Variants in AUTS2 observed in about 807,000 individuals in gnomAD.
AUTS2 encodes activator of transcription and developmental regulator AUTS2, also known as autism susceptibility gene 2 protein.
AUTS2 carries 17 observed loss-of-function variants against 112.4 expected under a neutral mutation model. That is an observed-to-expected ratio of 0.15 (90% CI 0.10 to 0.23). The LOEUF (loss-of-function observed/expected upper bound fraction) is 0.23, where lower values mean the gene tolerates loss of function less well. Among genes scored for constraint, AUTS2 ranks in the 10% least tolerant of loss-of-function variants. AUTS2 has a pLI of 1.00. For synonymous variants in AUTS2, 751 were observed against 702.7 expected (o/e 1.07, Z -1.09); for missense variants, 1,510 against 1,701.6 (o/e 0.89, Z 1.98).
intron 4 of AUTS2, among the ~76,000 whole-genome samples, chr7:70,153,354 A>G (rs1807550079): frequency 6.6e-6 from 1 of 152,222 alleles, no homozygotes; most frequent in Admixed American, 6.5e-5. Context: ...AATTTATATA[A>G]AATGCTAGAA....
At chr7:70,597,833 A>G (rs1405332265) in intron 5 of AUTS2, among the ~76,000 whole-genome samples, 1 of 152,208 alleles carries the variant, frequency 6.6e-6, no homozygotes, top group African/African-American at 2.4e-5. Context: ...TCAAGTAACA[A>G]TATTTATGCC....
intron 5 of AUTS2, among the ~76,000 whole-genome samples, chr7:70,659,206 C>A (rs771035741): frequency 6.6e-6 from 1 of 152,198 alleles, no homozygotes; most frequent in Non-Finnish European, 1.5e-5. Flanking sequence ...CGGCACCTGA[C>A]CTCTGAATTC....
intron 5 of AUTS2, among the ~76,000 whole-genome samples, chr7:70,595,365 G>T (rs1244975238): frequency 6.6e-6 from 1 of 152,118 alleles, no homozygotes; most frequent in Non-Finnish European, 1.5e-5. Context: ...AGGGGCGGGG[G>T]AGTTTCTGAA....
intron 5 of AUTS2, among the ~76,000 whole-genome samples, chr7:70,480,251 G>A (rs568460557): frequency 6.6e-6 from 1 of 152,366 alleles, no homozygotes; most frequent in Admixed American, 6.5e-5. Flanking sequence ...CTTTGAGCCA[G>A]GAGTGTGAGC....
intron 1 of AUTS2, among the ~76,000 whole-genome samples, chr7:69,760,003 GAT>G (rs1788110089): frequency 6.6e-6 from 1 of 151,500 alleles, no homozygotes; most frequent in Non-Finnish European, 1.5e-5. Context: ...AGTTTATTTA[GAT>G]AGTAAACTGA....
rs1301890488 is a variant in AUTS2 at position 69,978,902 on chromosome 7, GCA to G, written c.522+79410_522+79411del. Among the ~76,000 whole-genome samples, 23 of 75,370 alleles carry G rather than the reference GCA, an allele frequency of 3.1e-4. No individual in the cohort carries two copies. The South Asian group carries it at 0.01, about 34-fold the overall frequency. 49.4% of individuals were successfully genotyped at this position (75,370 alleles called of 152,430 possible). A position where few individuals can be genotyped will look rare whatever the true frequency, so the allele number is the denominator to read the frequency against. ...CACACACACACACACACACACACAC[GCA>G]CACACGCACACACACACGCACACAC... On this transcript the variant is annotated intron_variant, in intron 2 of 18. Transcript: ENST00000342771.
rs575436640 is a variant in AUTS2, at chr7:70,237,857, C to T, written c.660+103286C>T. On this transcript the variant is annotated intron_variant, in intron 4 of 18. Transcript: ENST00000342771. ...CGGCAGGATAAAAATATTATCCCCT[C>T]GGCACATACTTAATTTGGTGGTAAA... 2.8e-4 allele frequency among the ~76,000 whole-genome samples: 43 copies of T among 152,252 alleles called. No individual in the cohort carries two copies. In the South Asian group the frequency reaches 3.7e-3, roughly 13 times the overall value.
At chr7:70,191,213 G>A (rs1809871374) in intron 4 of AUTS2, among the ~76,000 whole-genome samples, 1 of 139,034 alleles carries the variant, frequency 7.2e-6, no homozygotes, top group African/African-American at 2.7e-5. Context: ...TGTTGCCCAG[G>A]CTGGAGTGCA....
intron 6 of AUTS2, among the ~76,000 whole-genome samples, chr7:70,753,585 A>G (rs1563173159): frequency 1.3e-5 from 2 of 152,216 alleles, no homozygotes; most frequent in African/African-American, 2.4e-5. Flanking sequence ...TGAATCTTCT[A>G]ATGGAACAAA....
chr7:70,042,098 G>T (rs1272312625), intron 2 of AUTS2, among the ~76,000 whole-genome samples: 1 of 151,718 alleles, frequency 6.6e-6, no homozygotes, highest in East Asian at 1.9e-4. Flanking sequence ...TTGGAAAGTG[G>T]GTAAGAGTTA....
At chr7:70,012,037 A>G (rs1799830007) in intron 2 of AUTS2, among the ~76,000 whole-genome samples, 1 of 152,144 alleles carries the variant, frequency 6.6e-6, no homozygotes, top group African/African-American at 2.4e-5. Flanking sequence ...GAGGGTGTGC[A>G]GTCATCATGC....
chr7:70,111,421 A>G (rs932808612), intron 2 of AUTS2, among the ~76,000 whole-genome samples: 1 of 152,210 alleles, frequency 6.6e-6, no homozygotes. Context: ...AATATAAGTT[A>G]GATACCATAA....
intron 1 of AUTS2, among the ~76,000 whole-genome samples, chr7:69,738,597 T>C (rs922166160): frequency 6.6e-6 from 1 of 152,112 alleles, no homozygotes; most frequent in African/African-American, 2.4e-5. Context: ...TCTGGAGGCC[T>C]TGCAAGTAGC....
At chr7:70,398,974 GTCTT>G (rs1428709325) in intron 4 of AUTS2, among the ~76,000 whole-genome samples, 1 of 149,188 alleles carries the variant, frequency 6.7e-6, no homozygotes, top group Non-Finnish European at 1.5e-5. Context: ...AAATCATATG[GTCTT>G]TCTTTTTTTT....
chr7:69,717,495 A>T (rs1798673779), intron 1 of AUTS2, among the ~76,000 whole-genome samples: 1 of 152,186 alleles, frequency 6.6e-6, no homozygotes, highest in South Asian at 2.1e-4. Context: ...GCCACAGCTG[A>T]CCATAACTCT....
intron 4 of AUTS2, among the ~76,000 whole-genome samples, chr7:70,137,670 A>G (rs1806642180): frequency 6.6e-6 from 1 of 152,134 alleles, no homozygotes; most frequent in Non-Finnish European, 1.5e-5. Flanking sequence ...TTTCCTTATC[A>G]ATACCTACCT....
At chr7:70,306,948 T>C (rs1789519756) in intron 4 of AUTS2, among the ~76,000 whole-genome samples, 1 of 152,178 alleles carries the variant, frequency 6.6e-6, no homozygotes, top group African/African-American at 2.4e-5. Flanking sequence ...AAATTATTGC[T>C]TTCTTTTTTT....
intron 4 of AUTS2, among the ~76,000 whole-genome samples, chr7:70,386,284 G>A (rs779230932): frequency 7.2e-5 from 11 of 152,152 alleles, no homozygotes; most frequent in Admixed American, 1.3e-4. Context: ...ACGCTTTTTG[G>A]TATGGAAGGG....
chr7:69,659,123 T>C (rs1795672576), intron 1 of AUTS2, among the ~76,000 whole-genome samples: 1 of 152,194 alleles, frequency 6.6e-6, no homozygotes, highest in South Asian at 2.1e-4. Flanking sequence ...GCCACAAATG[T>C]AAACAGGGGA....
Sources: gnomAD v4.1 joint callset for allele counts (sites outside exome capture counted in the v4.1 genomes callset) on GRCh38, gnomAD v4.1.1 for gene constraint, MANE v1.5 for transcripts, NCBI Gene and HGNC (gene_info 2026-07-23, HGNC 2026-07-21) for gene names.